Variants in COL5A2 observed in about 807,000 individuals in gnomAD.
The protein encoded by COL5A2 is collagen alpha-2(V) chain.
A neutral mutation model predicts 208.2 loss-of-function variants in COL5A2; 23 were observed. The observed-to-expected ratio is 0.11, with a 90% CI of 0.08 to 0.16. The LOEUF (loss-of-function observed/expected upper bound fraction) is 0.16. COL5A2 is among the 10% of genes least tolerant of loss of function. The pLI is 1.00. For synonymous variants in COL5A2, 625 were observed against 628.5 expected, an observed-to-expected ratio of 0.99 and a Z score of 0.08; for missense variants, 1,590 against 1,956.4, an observed-to-expected ratio of 0.81 and a Z score of 3.53.
At chr2:189,317,689 A>G in the COL5A2 span, among the ~76,000 whole-genome samples, 8 of 152,212 alleles carry the variant, frequency 5.3e-5, no homozygotes, top group Non-Finnish European at 8.8e-5. Context: ...AATAGGGAAA[A>G]ATGTATATAA....
the COL5A2 span, among the ~76,000 whole-genome samples, chr2:189,306,332 G>A: frequency 6.6e-6 from 1 of 152,036 alleles, no homozygotes; most frequent in African/African-American, 2.4e-5. Flanking sequence ...ACTTTGTTGG[G>A]TCTGCATCAC....
At chr2:189,167,706 T>C (rs1385270061) in intron 1 of COL5A2, among the ~76,000 whole-genome samples, 1 of 145,160 alleles carries the variant, frequency 6.9e-6, no homozygotes, top group South Asian at 2.2e-4. Flanking sequence ...GCTTTGTAAA[T>C]CCCTGTGCAG....
chr2:189,211,598 T>C (rs1459434527), intron 1 of COL5A2, among the ~76,000 whole-genome samples: 2 of 152,014 alleles, frequency 1.3e-5, no homozygotes, highest in Admixed American at 6.5e-5. Flanking sequence ...ATTTAAAAAA[T>C]ATAAATGGCC....
chr2:189,234,853 T>C, the COL5A2 span, among the ~76,000 whole-genome samples: 3 of 151,736 alleles, frequency 2.0e-5, no homozygotes, highest in Admixed American at 6.6e-5. Context: ...AATAAAAATA[T>C]AGTGTAAACC....
intron 1 of COL5A2, among the ~76,000 whole-genome samples, chr2:189,202,678 C>A (rs1689093535): frequency 6.6e-6 from 1 of 151,968 alleles, no homozygotes; most frequent in Non-Finnish European, 1.5e-5. Flanking sequence ...ATAACTCACT[C>A]TGAGGAAGAT....
the COL5A2 span, among the ~76,000 whole-genome samples, chr2:189,383,832 C>T: frequency 6.6e-6 from 1 of 151,992 alleles, no homozygotes; most frequent in African/African-American, 2.4e-5. Flanking sequence ...TGCCCTATTG[C>T]ACTACCAAAC....
At chr2:189,247,000 CT>C in the COL5A2 span, among the ~76,000 whole-genome samples, 1 of 152,134 alleles carries the variant, frequency 6.6e-6, no homozygotes. Flanking sequence ...CAAACCAATT[CT>C]TCTGAGGAGT....
the COL5A2 span, among the ~76,000 whole-genome samples, chr2:189,400,899 T>C: frequency 8.5e-5 from 13 of 152,342 alleles, no homozygotes; most frequent in Admixed American, 3.9e-4. Flanking sequence ...CGTATCCTTA[T>C]AATTCACTAA....
the COL5A2 span, among the ~76,000 whole-genome samples, chr2:189,368,207 C>T: frequency 6.6e-6 from 1 of 152,086 alleles, no homozygotes; most frequent in Non-Finnish European, 1.5e-5. Context: ...GATAAGTTCC[C>T]TTTGAGAATG....
chr2:189,402,495 G>C, the COL5A2 span, among the ~76,000 whole-genome samples: 1 of 152,230 alleles, frequency 6.6e-6, no homozygotes, highest in Non-Finnish European at 1.5e-5. Flanking sequence ...CCAAGACACA[G>C]GCATGAGCCA....
chr2:189,240,236 TA>T, the COL5A2 span, among the ~76,000 whole-genome samples: 1 of 152,182 alleles, frequency 6.6e-6, no homozygotes, highest in Non-Finnish European at 1.5e-5. Flanking sequence ...TTGTTTCTTA[TA>T]GTTCTGGTGG....
chr2:189,269,593 G>GATCATCCTC, the COL5A2 span, among the ~76,000 whole-genome samples: 2 of 152,142 alleles, frequency 1.3e-5, no homozygotes, highest in African/African-American at 4.8e-5. Context: ...GAAGTGACTT[G>GATCATCCTC]ATCGTGGTGG....
the COL5A2 span, among the ~76,000 whole-genome samples, chr2:189,394,212 G>T: frequency 6.6e-6 from 1 of 151,964 alleles, no homozygotes; most frequent in Non-Finnish European, 1.5e-5. Context: ...TATAGTAGGA[G>T]AAATAACCAC....
chr2:189,438,588 T>C, the COL5A2 span, among the ~76,000 whole-genome samples: 1 of 152,156 alleles, frequency 6.6e-6, no homozygotes, highest in African/African-American at 2.4e-5. Flanking sequence ...GGTTACATAC[T>C]ATATGATACC....
intron 15 of COL5A2, 117 bp from the exon 16 acceptor site, chr2:189,078,686 T>C: frequency 1.1e-6 from 1 of 870,614 alleles, no homozygotes; most frequent in Non-Finnish European, 2.0e-6. Flanking sequence ...AGCAGTAGTA[T>C]TTCCAGGGGC....
the COL5A2 span, among the ~76,000 whole-genome samples, chr2:189,368,982 A>C: frequency 2.0e-5 from 3 of 152,186 alleles, no homozygotes; most frequent in Non-Finnish European, 4.4e-5. Context: ...ACAATACAGT[A>C]AACAGAAGTG....
chr2:189,191,163 CAAA>C (rs1432399839), intron 1 of COL5A2, among the ~76,000 whole-genome samples: 1,646 of 72,234 alleles, frequency 0.023, 65 homozygotes, highest in South Asian at 0.073. Flanking sequence ...AAAAAACAAA[CAAA>C]CAACAAAAAA....
At chr2:189,400,706 T>C in the COL5A2 span, among the ~76,000 whole-genome samples, 4 of 152,228 alleles carry the variant, frequency 2.6e-5, no homozygotes, top group African/African-American at 9.6e-5. Flanking sequence ...ATGACCGATA[T>C]GATACTGACA....
chr2:189,044,478 A>T (rs1196792838), intron 47 of COL5A2, among the ~76,000 whole-genome samples: 2 of 152,204 alleles, frequency 1.3e-5, no homozygotes, highest in Admixed American at 1.3e-4. Context: ...CAATGTATTT[A>T]TTCATAGAAA....
Sources: gnomAD v4.1 joint callset for allele counts (sites outside exome capture counted in the v4.1 genomes callset) on GRCh38, gnomAD v4.1.1 for gene constraint, MANE v1.5 for transcripts, NCBI Gene and HGNC (gene_info 2026-07-23, HGNC 2026-07-21) for gene names.